The following SYT1 variants were observed in gnomAD, a reference collection of about 807,000 sequenced individuals.
SYT1 encodes synaptotagmin 1, also known as synaptotagmin-1.
Under a neutral mutation model 44.8 loss-of-function variants are expected in SYT1, and 8 were observed. The ratio of observed to expected loss-of-function variants is 0.18; its 90% CI spans 0.10 to 0.32. SYT1 has a LOEUF of 0.32. SYT1 is among the 10% of genes least tolerant of loss of function. The pLI is 1.00. For synonymous variants in SYT1, 154 were observed against 188.8 expected (o/e 0.82, Z 1.51); for missense variants, 286 against 509.3 (o/e 0.56, Z 4.22).
chr12:79,445,010 C>A (rs1870626861), intron 10 of SYT1, among the ~76,000 whole-genome samples: 1 of 151,974 alleles, frequency 6.6e-6, no homozygotes, highest in Admixed American at 6.6e-5. Context: ...CATAAAGCAA[C>A]ACTATTTTTA....
intron 1 of SYT1, among the ~76,000 whole-genome samples, chr12:78,885,644 G>A (rs200425679): frequency 2.6e-5 from 4 of 151,984 alleles, no homozygotes; most frequent in Non-Finnish European, 5.9e-5. Context: ...AGGCGTCCAC[G>A]TGGGCCAGGT....
chr12:78,896,678 A>G (rs578173783), intron 1 of SYT1, among the ~76,000 whole-genome samples: 1 of 151,948 alleles, frequency 6.6e-6, no homozygotes, highest in South Asian at 2.1e-4. Flanking sequence ...TTCATTAATT[A>G]TTTATAATGT....
chr12:79,103,441 A>G (rs1360507513), intron 3 of SYT1, among the ~76,000 whole-genome samples: 2 of 151,992 alleles, frequency 1.3e-5, no homozygotes, highest in Non-Finnish European at 2.9e-5. Flanking sequence ...GTTTTTTTCA[A>G]TTGTATCCAT....
chr12:79,077,854 C>T (rs930455942), intron 3 of SYT1, among the ~76,000 whole-genome samples: 1 of 151,694 alleles, frequency 6.6e-6, no homozygotes, highest in Non-Finnish European at 1.5e-5. Context: ...AATACCATGC[C>T]CTTTTTAAAA....
At chr12:79,120,175 G>A (rs953632437) in intron 3 of SYT1, among the ~76,000 whole-genome samples, 1 of 152,070 alleles carries the variant, frequency 6.6e-6, no homozygotes. Flanking sequence ...CAGAATGTTC[G>A]TATGCGGCGA....
Position 79,052,570 on chromosome 12 carries a change from G to A in SYT1, c.-18+5208G>A, listed in dbSNP as rs1187400420. Among the ~76,000 whole-genome samples, 4 of 151,970 alleles carry A rather than the reference G, an allele frequency of 2.6e-5. No individual in the cohort carries two copies. The South Asian group carries it at 8.3e-4, about 32-fold the overall frequency. ...AAACTACCATCAGAGTGAATAGGCAGCCTACAGAATGGGAGAAAATTTTTG... is the reference window on the plus strand; with the variant it reads ...AAACTACCATCAGAGTGAATAGGCAACCTACAGAATGGGAGAAAATTTTTG... On this transcript the variant is annotated intron_variant, in intron 3 of 10. Coordinates refer to ENST00000261205, the MANE Select transcript of SYT1 (RefSeq NM_005639.3).
At chr12:78,948,383 T>G (rs1311485352) in intron 1 of SYT1, among the ~76,000 whole-genome samples, 1 of 151,940 alleles carries the variant, frequency 6.6e-6, no homozygotes, top group African/African-American at 2.4e-5. Context: ...TATAATATAC[T>G]GTGACAGAAA....
chr12:79,131,831 T>A (rs1868842387), intron 3 of SYT1, among the ~76,000 whole-genome samples: 3 of 152,154 alleles, frequency 2.0e-5, no homozygotes, highest in Admixed American at 2.0e-4. Context: ...ATCAGAAATA[T>A]GAAAAACTAA....
chr12:79,169,895 G>A (rs1318557689), intron 3 of SYT1, among the ~76,000 whole-genome samples: 1 of 151,974 alleles, frequency 6.6e-6, no homozygotes, highest in Non-Finnish European at 1.5e-5. Flanking sequence ...TCCCCTCTAT[G>A]TGTCCATGTG....
At chr12:79,263,957 G>A (rs1351400895) in intron 4 of SYT1, among the ~76,000 whole-genome samples, 1 of 151,744 alleles carries the variant, frequency 6.6e-6, no homozygotes, top group Non-Finnish European at 1.5e-5. Flanking sequence ...ACTAAAAATT[G>A]TGTGGTCCTA....
intron 4 of SYT1, among the ~76,000 whole-genome samples, chr12:79,235,880 C>T (rs1283451587): frequency 6.6e-6 from 1 of 152,098 alleles, no homozygotes; most frequent in Admixed American, 6.5e-5. Flanking sequence ...CCATTAGCAA[C>T]TGAAATTCAC....
At chr12:79,253,507 C>CTCTCTG (rs1350560086) in intron 4 of SYT1, among the ~76,000 whole-genome samples, 2 of 151,696 alleles carry the variant, frequency 1.3e-5, no homozygotes, top group Non-Finnish European at 2.9e-5. Flanking sequence ...CTCTCTCTCT[C>CTCTCTG]TCTCTCTCTC....
intron 9 of SYT1, among the ~76,000 whole-genome samples, chr12:79,379,701 T>C (rs1442652503): frequency 6.6e-6 from 1 of 152,128 alleles, no homozygotes; most frequent in African/African-American, 2.4e-5. Flanking sequence ...GAATCAATCA[T>C]CCAATAGAAA....
At chr12:79,133,739 C>T (rs1031773723) in intron 3 of SYT1, among the ~76,000 whole-genome samples, 8 of 152,162 alleles carry the variant, frequency 5.3e-5, no homozygotes, top group Non-Finnish European at 1.0e-4. Flanking sequence ...CTCTTGCATC[C>T]TGGTGACTGG....
chr12:79,112,702 A>C (rs1392965946), intron 3 of SYT1, among the ~76,000 whole-genome samples: 1 of 152,158 alleles, frequency 6.6e-6, no homozygotes, highest in East Asian at 1.9e-4. Context: ...CCTCAAATAG[A>C]TAAAATGAGT....
intron 8 of SYT1, among the ~76,000 whole-genome samples, chr12:79,326,989 T>C (rs1370476243): frequency 2.0e-5 from 3 of 152,198 alleles, no homozygotes; most frequent in Non-Finnish European, 4.4e-5. Context: ...TGAGTTCTAG[T>C]ATTTTGATTA....
intron 9 of SYT1, among the ~76,000 whole-genome samples, chr12:79,422,240 T>C (rs1340147513): frequency 2.0e-5 from 3 of 152,250 alleles, no homozygotes; most frequent in East Asian, 3.9e-4. Context: ...TTAACTTGAT[T>C]CATAGTACAA....
At chr12:79,260,391 G>A (rs528027360) in intron 4 of SYT1, among the ~76,000 whole-genome samples, 1 of 152,258 alleles carries the variant, frequency 6.6e-6, no homozygotes, top group Admixed American at 6.5e-5. Flanking sequence ...ACTTTAACAA[G>A]AAATTCAGAT....
At chr12:79,078,627 C>A (rs969427128) in intron 3 of SYT1, among the ~76,000 whole-genome samples, 2 of 151,832 alleles carry the variant, frequency 1.3e-5, no homozygotes, top group African/African-American at 4.8e-5. Flanking sequence ...CTGCACAGAC[C>A]AACCCATCAC....
Sources: gnomAD v4.1 joint callset for allele counts (sites outside exome capture counted in the v4.1 genomes callset) on GRCh38, gnomAD v4.1.1 for gene constraint, MANE v1.5 for transcripts, NCBI Gene and HGNC (gene_info 2026-07-23, HGNC 2026-07-21) for gene names.